Variants in JHY observed in about 807,000 individuals in gnomAD.
JHY encodes the protein junctional cadherin complex regulator.
Under a neutral mutation model 78.0 loss-of-function variants are expected in JHY, and 69 were observed. The ratio of observed to expected loss-of-function variants is 0.88; its 90% CI spans 0.73 to 1.08. JHY has a LOEUF of 1.08. Ranked by LOEUF, JHY falls within the 50% of genes least tolerant of loss-of-function variation. The pLI is 0.00. For synonymous variants in JHY, 368 were observed against 342.6 expected, an observed-to-expected ratio of 1.07 and a Z score of -0.82; for missense variants, 944 against 927.8, an observed-to-expected ratio of 1.02 and a Z score of -0.23.
At chr11:122,937,463 C>T (rs1297947016) in intron 5 of JHY, among the ~76,000 whole-genome samples, 1 of 152,158 alleles carries the variant, frequency 6.6e-6, no homozygotes, top group Non-Finnish European at 1.5e-5. Context: ...AGACTTGCTT[C>T]ACAGCTGTCC....
chr11:122,904,587 A>G (rs1862946538), intron 3 of JHY, 143 bp downstream of exon 3: 1 of 916,506 alleles, frequency 1.1e-6, no homozygotes, highest in Non-Finnish European at 1.7e-6. Flanking sequence ...TCCATAGGCT[A>G]TCCTGTATGT....
chr11:122,900,185 T>C (rs777809423), intron 2 of JHY, among the ~76,000 whole-genome samples: 25 of 152,232 alleles, frequency 1.6e-4, no homozygotes, highest in Non-Finnish European at 2.5e-4. Context: ...TTCCTCATCA[T>C]AATATGTGAA....
rs553622657 is a variant in JHY at position 122,959,090 on chromosome 11, G to A, written c.2140-158G>A. The A allele has an allele frequency of 3.2e-6, 3 of 935,762 alleles. No homozygotes were observed. The African/African-American group carries it at 5.3e-5, about 17-fold the overall frequency. 58.0% of individuals were successfully genotyped at this position (935,762 alleles called of 1,614,324 possible). Reference sequence around the variant, plus strand: ...GGCTAATGTATTTTGTTTAAACTGTGTGTTATATTGCATTGTTTGATCTCC... The same window carrying A: ...GGCTAATGTATTTTGTTTAAACTGTATGTTATATTGCATTGTTTGATCTCC... On this transcript the variant is annotated intron_variant, in intron 8 of 8. Transcript: ENST00000227349.
rs553258054 is a variant in JHY at position 122,892,258 on chromosome 11, T to C, written c.344+6065T>C. Among the ~76,000 whole-genome samples, 328 of 151,926 alleles carry C rather than the reference T, an allele frequency of 2.2e-3. 2 individuals carry two copies. The highest frequency in any genetic ancestry group is 0.018 in the Admixed American group (276 of 15,260). On this transcript the variant is annotated intron_variant, in intron 2 of 8. Coordinates refer to ENST00000227349, the MANE Select transcript of JHY (RefSeq NM_024806.4). ...AGGAGGGAGATAGGCACATGAGGAATTACTAGTTAAATTGAGTATCCAGAA... is the reference window on the plus strand; with the variant it reads ...AGGAGGGAGATAGGCACATGAGGAACTACTAGTTAAATTGAGTATCCAGAA...
chr11:122,912,665 C>A (rs968775433), intron 3 of JHY, among the ~76,000 whole-genome samples: 1 of 151,636 alleles, frequency 6.6e-6, no homozygotes, highest in African/African-American at 2.4e-5. Context: ...TCACTTGAGC[C>A]GGGAGGCCGA....
intron 2 of JHY, among the ~76,000 whole-genome samples, chr11:122,895,963 T>C (rs1419252430): frequency 1.3e-5 from 2 of 152,172 alleles, no homozygotes; most frequent in East Asian, 3.8e-4. Flanking sequence ...CCTATTTGTC[T>C]CCACATGTGT....
intron 2 of JHY, 91 bp downstream of exon 2, chr11:122,886,284 G>A: frequency 7.9e-7 from 1 of 1,266,906 alleles, no homozygotes; most frequent in South Asian, 1.5e-5. Context: ...GTAAGGGCAA[G>A]CTGCCCTAAT....
chr11:122,936,887 A>G (rs1204908596), intron 5 of JHY, among the ~76,000 whole-genome samples: 1 of 152,066 alleles, frequency 6.6e-6, no homozygotes, highest in Non-Finnish European at 1.5e-5. Flanking sequence ...GTTGAGGACT[A>G]TTTCCTCTTT....
intron 3 of JHY, among the ~76,000 whole-genome samples, chr11:122,906,731 G>C (rs1019035669): frequency 3.3e-5 from 5 of 152,094 alleles, no homozygotes; most frequent in African/African-American, 1.2e-4. Flanking sequence ...TTTGTTAGTA[G>C]TTATAAGTTA....
At chr11:122,892,468 G>A (rs575619224) in intron 2 of JHY, among the ~76,000 whole-genome samples, 13 of 151,930 alleles carry the variant, frequency 8.6e-5, no homozygotes, top group South Asian at 2.1e-4. Context: ...GACTACAGGC[G>A]CGTGCCACCA....
chr11:122,893,698 A>C (rs1862674548), intron 2 of JHY, among the ~76,000 whole-genome samples: 1 of 152,146 alleles, frequency 6.6e-6, no homozygotes, highest in Non-Finnish European at 1.5e-5. Flanking sequence ...AAATATAGAA[A>C]ACTTTAATAT....
intron 3 of JHY, among the ~76,000 whole-genome samples, chr11:122,918,630 C>T (rs528310942): frequency 1.3e-5 from 2 of 151,638 alleles, no homozygotes; most frequent in East Asian, 1.9e-4. Flanking sequence ...ATTTTGTCAA[C>T]AGCCGGCTAC....
intron 5 of JHY, among the ~76,000 whole-genome samples, chr11:122,943,559 T>C (rs1215307926): frequency 1.3e-5 from 2 of 152,338 alleles, no homozygotes; most frequent in Middle Eastern, 3.4e-3. Flanking sequence ...GGCATCTCCC[T>C]CTTTAAGAAT....
At position 122,930,622 on chromosome 11, in the gene JHY, T is replaced by G. The variant is rs1464566852; in HGVS notation, c.979-3798T>G. Among the ~76,000 whole-genome samples the G allele has an allele frequency of 3.3e-5, 5 of 152,176 alleles. No homozygotes were observed. The East Asian group carries it at 9.6e-4, about 29-fold the overall frequency. ...TCTTATCCATGCCCAGATCCATCACTTGAAGCCAAGTCATCTCTCTTCATT... is the reference window on the plus strand; with the variant it reads ...TCTTATCCATGCCCAGATCCATCACGTGAAGCCAAGTCATCTCTCTTCATT... On this transcript the variant is annotated intron_variant, in intron 4 of 8. Transcript: ENST00000227349.
chr11:122,942,597 T>C (rs1591394968), intron 5 of JHY, among the ~76,000 whole-genome samples: 1 of 152,206 alleles, frequency 6.6e-6, no homozygotes, highest in East Asian at 1.9e-4. Flanking sequence ...CTAATTTTTA[T>C]ATTTTTAGTA....
At position 122,904,197 on chromosome 11, in the gene JHY, G is replaced by T. The variant is rs1862929625; in HGVS notation, c.617G>T (p.Arg206Leu). The change falls in exon 3 of 9, where the codon CGC becomes CTC. Residue 206 changes from arginine to leucine, a missense_variant. Coordinates refer to ENST00000227349, the MANE Select transcript of JHY (RefSeq NM_024806.4). ...CCAAACTATGAGCATGGTGCCCGTCGCAGCAAGCCGTTTTCAGAGCTGAGC... is the reference window on the plus strand; with the variant it reads ...CCAAACTATGAGCATGGTGCCCGTCTCAGCAAGCCGTTTTCAGAGCTGAGC... ...LSPNYEHGAR[R>L]SKPFSELSDS... 6.2e-7 allele frequency: 1 copy of T among 1,614,154 alleles called. No homozygotes were observed.
At chr11:122,887,276 A>G (rs1009395713) in intron 2 of JHY, among the ~76,000 whole-genome samples, 3 of 152,192 alleles carry the variant, frequency 2.0e-5, no homozygotes, top group Non-Finnish European at 2.9e-5. Flanking sequence ...ATACATATAA[A>G]TTGTTTAGAA....
intron 4 of JHY, among the ~76,000 whole-genome samples, chr11:122,931,712 G>A (rs1863640567): frequency 6.6e-6 from 1 of 152,164 alleles, no homozygotes; most frequent in Non-Finnish European, 1.5e-5. Context: ...GAGCAGGAGT[G>A]GCTTTTGTGT....
At chr11:122,928,315 T>C (rs1455781229) in intron 4 of JHY, among the ~76,000 whole-genome samples, 2 of 152,038 alleles carry the variant, frequency 1.3e-5, no homozygotes, top group African/African-American at 4.8e-5. Context: ...CTCTAAAAAA[T>C]ACAAAATGCA....
Sources: gnomAD v4.1 joint callset for allele counts (sites outside exome capture counted in the v4.1 genomes callset) on GRCh38, gnomAD v4.1.1 for gene constraint, MANE v1.5 for transcripts, NCBI Gene and HGNC (gene_info 2026-07-23, HGNC 2026-07-21) for gene names.